Variants in CSNK1A1 observed in about 807,000 individuals in gnomAD.
CSNK1A1 encodes casein kinase 1 alpha 1, also known as casein kinase I isoform alpha.
Under a neutral mutation model 46.1 loss-of-function variants are expected in CSNK1A1, and 7 were observed. The ratio of observed to expected loss-of-function variants is 0.15; its 90% CI spans 0.09 to 0.29. The LOEUF (loss-of-function observed/expected upper bound fraction) is 0.29. CSNK1A1 is among the 10% of genes least tolerant of loss of function. The probability of loss-of-function intolerance (pLI) is 1.00; values close to 1 mark genes in which losing one functional copy is unlikely to be tolerated. For missense variants in CSNK1A1, 96 were observed against 417.1 expected (o/e 0.23, Z 6.71); for synonymous variants, 137 against 141.5 (o/e 0.97, Z 0.23).
At chr5:149,498,943 A>G (rs1760738849) in intron 9 of CSNK1A1, 4 of 985,426 alleles carry the variant, frequency 4.1e-6, no homozygotes, top group Non-Finnish European at 4.8e-6. Context: ...AATGATTACA[A>G]TTGTTTAGAA....
chr5:149,533,089 T>G (rs544528348), intron 2 of CSNK1A1, among the ~76,000 whole-genome samples: 1 of 152,358 alleles, frequency 6.6e-6, no homozygotes, highest in African/African-American at 2.4e-5. Context: ...CATTTTCATA[T>G]TCTCCACCTT....
At chr5:149,500,181 A>T (rs1179271074) in intron 9 of CSNK1A1, among the ~76,000 whole-genome samples, 1 of 135,664 alleles carries the variant, frequency 7.4e-6, no homozygotes, top group African/African-American at 2.8e-5. Flanking sequence ...TCTGTCGCCC[A>T]GGCTGGAGTG....
At chr5:149,549,355 A>C in intron 2 of CSNK1A1, 1 of 645,902 alleles carries the variant, frequency 1.5e-6, no homozygotes, top group South Asian at 1.6e-5. Context: ...TTTTAAAAGA[A>C]CTACGAAGGA....
intron 7 of CSNK1A1, among the ~76,000 whole-genome samples, chr5:149,509,278 T>C (rs759766563): frequency 6.6e-6 from 1 of 152,170 alleles, no homozygotes; most frequent in Non-Finnish European, 1.5e-5. Flanking sequence ...ATATTTAGAA[T>C]AATAAAAATG....
chr5:149,547,283 A>G (rs991396806), intron 2 of CSNK1A1, among the ~76,000 whole-genome samples: 1 of 152,194 alleles, frequency 6.6e-6, no homozygotes, highest in Non-Finnish European at 1.5e-5. Flanking sequence ...TCACCACCTT[A>G]TAATAGGCAC....
intron 9 of CSNK1A1, among the ~76,000 whole-genome samples, chr5:149,499,462 T>C (rs1760755355): frequency 6.6e-6 from 1 of 152,096 alleles, no homozygotes; most frequent in Non-Finnish European, 1.5e-5. Context: ...CAATCTGAAA[T>C]CTAAAATGTA....
At chr5:149,543,575 A>G (rs1011136389) in intron 2 of CSNK1A1, among the ~76,000 whole-genome samples, 1 of 152,088 alleles carries the variant, frequency 6.6e-6, no homozygotes, top group African/African-American at 2.4e-5. Flanking sequence ...TTATTCTCTG[A>G]TAACAGCCAT....
In CSNK1A1 at chr5:149,495,750, A is replaced by G. The variant is rs1301215660; in HGVS notation, c.*1103T>C. On this transcript the variant is annotated 3_prime_UTR_variant, in exon 10 of 10. Coordinates refer to ENST00000377843, the MANE Select transcript of CSNK1A1 (RefSeq NM_001892.6). The stretch of plus-strand genomic sequence containing the variant: ...ATATTGTGCCTGCAAGTCATAAAAA[A>G]AAAAAAAAAAAAAGAAAAAAATGAA... The G allele has an allele frequency of 6.6e-6, 1 of 151,984 alleles. No homozygotes were observed. Among genetic ancestry groups the G allele is most frequent in the East Asian group, 1.9e-4 (1 of 5,162 alleles). The allele number at this position is 151,984 out of a possible 1,614,324, so 9.4% of individuals were successfully genotyped here.
chr5:149,542,607 T>C (rs867216196), intron 2 of CSNK1A1, among the ~76,000 whole-genome samples: 3 of 10,810 alleles, frequency 2.8e-4, no homozygotes, highest in African/African-American at 8.4e-4. Context: ...TATATATATA[T>C]ATATATATAT....
intron 9 of CSNK1A1, chr5:149,497,540 T>C (rs1195795507): frequency 2.0e-6 from 2 of 985,376 alleles, no homozygotes; most frequent in East Asian, 1.1e-4. Flanking sequence ...CTAGGGCCTC[T>C]ACATAGGCCC....
intron 9 of CSNK1A1, chr5:149,502,194 C>T (rs773718903): frequency 4.1e-5 from 39 of 946,030 alleles, no homozygotes; most frequent in Non-Finnish European, 4.9e-5. Context: ...TCAAAAATTA[C>T]CATATAAAAC....
At chr5:149,536,738 A>C (rs1419011478) in intron 2 of CSNK1A1, among the ~76,000 whole-genome samples, 2 of 152,254 alleles carry the variant, frequency 1.3e-5, no homozygotes, top group Admixed American at 1.3e-4. Flanking sequence ...TACAGCACTA[A>C]GTAATATTCA....
chr5:149,504,432 C>A, intron 9 of CSNK1A1: 1 of 984,848 alleles, frequency 1.0e-6, no homozygotes, highest in South Asian at 4.7e-5. Flanking sequence ...CAGACTAGGG[C>A]AGTATTCAGA....
intron 9 of CSNK1A1, chr5:149,501,600 T>G: frequency 2.0e-6 from 2 of 985,270 alleles, no homozygotes; most frequent in South Asian, 4.7e-5. Flanking sequence ...TCTATATTAT[T>G]ATGATAAAAC....
chr5:149,500,936 A>T (rs760153818), intron 9 of CSNK1A1: 51 of 981,530 alleles, frequency 5.2e-5, no homozygotes, highest in Non-Finnish European at 5.6e-5. Context: ...GCATTAAAAA[A>T]CAGACTGAAT....
At chr5:149,506,442 G>A (rs574884536) in intron 8 of CSNK1A1, among the ~76,000 whole-genome samples, 2 of 151,938 alleles carry the variant, frequency 1.3e-5, no homozygotes, top group East Asian at 1.9e-4. Context: ...TCACCATGTC[G>A]GGCAGGCTGG....
chr5:149,498,575 T>G, intron 9 of CSNK1A1: 1 of 984,416 alleles, frequency 1.0e-6, no homozygotes, highest in African/African-American at 1.7e-5. Context: ...GTTAAGAAAC[T>G]AAGGATTAAA....
chr5:149,529,769 T>A (rs1416728839), intron 2 of CSNK1A1: 1 of 456,028 alleles, frequency 2.2e-6, no homozygotes, highest in South Asian at 1.5e-5. Flanking sequence ...TGAGACATAA[T>A]TAAAATCAGT....
chr5:149,548,650 C>T (rs1342934483), intron 2 of CSNK1A1, among the ~76,000 whole-genome samples: 1 of 152,144 alleles, frequency 6.6e-6, no homozygotes, highest in Non-Finnish European at 1.5e-5. Context: ...CACCTGAGGT[C>T]AGGAGTTCGA....
Sources: gnomAD v4.1 joint callset for allele counts (sites outside exome capture counted in the v4.1 genomes callset) on GRCh38, gnomAD v4.1.1 for gene constraint, MANE v1.5 for transcripts, NCBI Gene and HGNC (gene_info 2026-07-23, HGNC 2026-07-21) for gene names.